Variants in MFSD8 observed in about 807,000 individuals in gnomAD.
MFSD8 encodes the protein major facilitator superfamily domain containing 8, also known as major facilitator superfamily domain-containing protein 8.
MFSD8 carries 55 observed loss-of-function variants against 66.4 expected under a neutral mutation model. The observed-to-expected ratio is 0.83, with a 90% CI of 0.67 to 1.04. MFSD8 has a LOEUF of 1.04. MFSD8 is among the 50% of genes least tolerant of loss of function. MFSD8 has a pLI of 0.00. For synonymous variants in MFSD8, 202 were observed against 212.8 expected, an observed-to-expected ratio of 0.95 and a Z score of 0.44; for missense variants, 550 against 627.6, an observed-to-expected ratio of 0.88 and a Z score of 1.32.
At chr4:127,926,154 C>G (rs1737173752) in intron 9 of MFSD8, among the ~76,000 whole-genome samples, 1 of 150,918 alleles carries the variant, frequency 6.6e-6, no homozygotes, top group Non-Finnish European at 1.5e-5. Flanking sequence ...TTGATGGGTG[C>G]AGCAAACCAC....
intron 11 of MFSD8, 50 bp downstream of exon 11, chr4:127,921,474 T>A: frequency 6.2e-7 from 1 of 1,612,458 alleles, no homozygotes; most frequent in Non-Finnish European, 8.5e-7. Flanking sequence ...AAATGTTGAG[T>A]GCTTACAAGT....
intron 3 of MFSD8, 61 bp from the exon 4 acceptor site, chr4:127,944,053 C>T (rs1740643494): frequency 6.2e-7 from 1 of 1,604,040 alleles, no homozygotes; most frequent in Non-Finnish European, 8.5e-7. Flanking sequence ...AAACTAAATA[C>T]ATTTGTCATA....
At chr4:127,930,882 TGTAA>T in intron 8 of MFSD8, 65 bp from the exon 9 acceptor site, 1 of 1,481,992 alleles carries the variant, frequency 6.7e-7, no homozygotes, top group Non-Finnish European at 9.2e-7. Flanking sequence ...TAAAGTGAAG[TGTAA>T]GTTTTAATAA....
chr4:127,922,625 CAAA>C (rs764607537), intron 9 of MFSD8, among the ~76,000 whole-genome samples: 1 of 120,148 alleles, frequency 8.3e-6, no homozygotes, highest in Non-Finnish European at 1.8e-5. Context: ...ACCCTGTCGC[CAAA>C]AAAAAAAAAA....
chr4:127,921,799 T>C (rs938309114), intron 10 of MFSD8, 28 bp from the exon 11 acceptor site: 2 of 1,613,680 alleles, frequency 1.2e-6, no homozygotes, highest in African/African-American at 1.3e-5. Flanking sequence ...TTGCAGTGCA[T>C]TACTTGTTGA....
At chr4:127,934,573 A>ATTTTT (rs748038560) in intron 7 of MFSD8, 2,803 of 126,712 alleles carry the variant, frequency 0.022, 85 homozygotes, top group African/African-American at 0.078. Context: ...TAAGCCAGGT[A>ATTTTT]TTTTTTTTTT....
Position 127,921,669 on chromosome 4 carries a change from G to A in MFSD8, c.1205C>T (p.Ser402Leu), listed in dbSNP as rs200745039. Residue 402 changes from serine (S) to leucine (L), a missense_variant, in exon 11 of 12, where the codon TCG becomes TTG. Ser to Leu is a moderately radical substitution (Grantham distance 145). Coordinates refer to ENST00000641686, the MANE Select transcript of MFSD8 (RefSeq NM_001371596.2). ...EDDNERPTGC[S>L]IEQAWCLYTP... ...GTAGAGGCACCAGGCTTGTTCAATC[G>A]AGCAACCAGTTGGTCTTTCATTGTC... The A allele has an allele frequency of 1.0e-4, 164 of 1,614,094 alleles. No individual in the cohort carries two copies. The highest frequency in any genetic ancestry group is 3.3e-4 in the Middle Eastern group (2 of 6,062).
At chr4:127,954,548 G>A (rs1742542974) in intron 2 of MFSD8, among the ~76,000 whole-genome samples, 1 of 152,190 alleles carries the variant, frequency 6.6e-6, no homozygotes, top group Non-Finnish European at 1.5e-5. Context: ...CCCGAAAGCG[G>A]GAGGTTGCAG....
At chr4:127,957,360 A>ATT (rs1205398212) in intron 2 of MFSD8, 141 bp downstream of exon 2, 12 of 651,490 alleles carry the variant, frequency 1.8e-5, no homozygotes, top group Non-Finnish European at 2.1e-5. Context: ...GAACTTAGAT[A>ATT]TGGTAACACG....
intron 2 of MFSD8, among the ~76,000 whole-genome samples, 155 bp from the exon 3 acceptor site, chr4:127,950,002 T>A (rs746349347): frequency 6.6e-6 from 1 of 152,180 alleles, no homozygotes; most frequent in Non-Finnish European, 1.5e-5. Flanking sequence ...ATTTTAATTA[T>A]CAGAAGAAAA....
intron 9 of MFSD8, among the ~76,000 whole-genome samples, chr4:127,926,078 C>T (rs1443720255): frequency 2.0e-5 from 3 of 151,606 alleles, no homozygotes; most frequent in African/African-American, 7.3e-5. Context: ...CACACAGGGG[C>T]CTATTGCGGG....
At chr4:127,952,963 G>A (rs968449090) in intron 2 of MFSD8, among the ~76,000 whole-genome samples, 1 of 151,316 alleles carries the variant, frequency 6.6e-6, no homozygotes, top group Non-Finnish European at 1.5e-5. Flanking sequence ...AGATAATTGA[G>A]TACTAAAAAC....
In MFSD8 at chr4:127,943,970, C is replaced by G. The variant is rs759313071; in HGVS notation, c.221G>C (p.Ser74Thr). The change falls in exon 4 of 12, where the codon AGT becomes ACT. Residue 74 changes from serine to threonine, a missense_variant. Physicochemically the swap from Ser to Thr is moderately conservative, Grantham distance 58. Transcript: ENST00000641686. ...TGAAGCAATAACCCAGCCCAAAAAA[C>G]TTGTATCAGCTGTCGGATCAATCTG... ...LQKIDPTADT[S>T]FLGWVIASYS... 3 of 1,614,102 alleles carry G rather than the reference C, an allele frequency of 1.9e-6. No individual in the cohort carries two copies. Among genetic ancestry groups the G allele is most frequent in the Non-Finnish European group, 2.5e-6 (3 of 1,180,036 alleles).
intron 7 of MFSD8, among the ~76,000 whole-genome samples, chr4:127,937,571 A>G (rs763297336): frequency 1.3e-5 from 2 of 152,178 alleles, no homozygotes; most frequent in South Asian, 2.1e-4. Flanking sequence ...AAACACAAAT[A>G]TTGTACCTAT....
At chr4:127,962,578 C>G (rs1441222804) in intron 1 of MFSD8, among the ~76,000 whole-genome samples, 4 of 151,002 alleles carry the variant, frequency 2.6e-5, no homozygotes, top group African/African-American at 9.8e-5. Context: ...CATCGATATT[C>G]ATTTTAATGA....
chr4:127,956,818 C>CAAA lies in MFSD8; in HGVS notation c.154+680_154+682dup, dbSNP rs550327079. ...GGGCAACAAGAGTGAAACTCCGTCT[C>CAAA]AAAAAAAAAAAAAAAAAAAGATGAA... On this transcript the variant is annotated intron_variant, in intron 2 of 11. Transcript: ENST00000641686. Among the ~76,000 whole-genome samples the CAAA allele has an allele frequency of 2.2e-4, 13 of 58,030 alleles. No individual in the cohort carries two copies. In the East Asian group the frequency reaches 3.1e-3, roughly 14 times the overall value. The allele number at this position is 58,030 out of a possible 152,430, so 38.1% of individuals were successfully genotyped here.
chr4:127,921,985 G>A, intron 9 of MFSD8, 22 bp from the exon 10 acceptor site: 7 of 1,591,522 alleles, frequency 4.4e-6, no homozygotes, highest in Non-Finnish European at 6.0e-6. Context: ...CAGAAACTCT[G>A]TAATTTTAAA....
In MFSD8 at chr4:127,938,916, A is replaced by T. The variant is rs928661843; in HGVS notation, c.699-78T>A. On this transcript the variant is annotated intron_variant, in intron 6 of 11. Transcript: ENST00000641686. Reference sequence around the variant, plus strand: ...TGTTTAAATTTATTATCGGCATTGTATTTTTTTTCACATTCTAATATAGTT... The same window carrying T: ...TGTTTAAATTTATTATCGGCATTGTTTTTTTTTTCACATTCTAATATAGTT... The T allele has an allele frequency of 3.5e-6, 4 of 1,137,542 alleles. No individual in the cohort carries two copies. In the African/African-American group the frequency reaches 6.2e-5, roughly 18 times the overall value. 70.5% of individuals were successfully genotyped at this position (1,137,542 alleles called of 1,614,324 possible). A position where few individuals can be genotyped will look rare whatever the true frequency, so the allele number is the denominator to read the frequency against.
chr4:127,931,070 C>T (rs1578842079), intron 8 of MFSD8, among the ~76,000 whole-genome samples: 1 of 152,184 alleles, frequency 6.6e-6, no homozygotes, highest in East Asian at 1.9e-4. Flanking sequence ...AGCCATATTA[C>T]AGAAAGTCTG....
Sources: gnomAD v4.1 joint callset for allele counts (sites outside exome capture counted in the v4.1 genomes callset) on GRCh38, gnomAD v4.1.1 for gene constraint, MANE v1.5 for transcripts, NCBI Gene and HGNC (gene_info 2026-07-23, HGNC 2026-07-21) for gene names.